Variants in DNAH9 observed in about 807,000 individuals in gnomAD.
DNAH9 encodes the protein DNAH9 variant protein.
DNAH9 carries 345 observed loss-of-function variants against 471.6 expected under a neutral mutation model. That is an observed-to-expected ratio of 0.73 (90% CI 0.67 to 0.80). The LOEUF is 0.80. DNAH9 is among the 30% of genes least tolerant of loss of function. The pLI is 0.00. For synonymous variants in DNAH9, 2,093 were observed against 2,123.6 expected (o/e 0.99, Z 0.40); for missense variants, 5,407 against 5,609.2 (o/e 0.96, Z 1.15).
intron 19 of DNAH9, among the ~76,000 whole-genome samples, chr17:11,686,194 A>G (rs1286154535): frequency 6.6e-6 from 1 of 152,072 alleles, no homozygotes; most frequent in Non-Finnish European, 1.5e-5. Context: ...ACCAACAGGC[A>G]ATTTCCCAGG....
chr17:11,775,055 A>C (rs1968367887), intron 38 of DNAH9, among the ~76,000 whole-genome samples: 1 of 152,122 alleles, frequency 6.6e-6, no homozygotes, highest in Admixed American at 6.5e-5. Flanking sequence ...TCAGACAACA[A>C]CTGATCTGCT....
chr17:11,683,219 C>G (rs9905606), intron 19 of DNAH9, among the ~76,000 whole-genome samples: 31,149 of 152,072 alleles, frequency 0.2, 3,628 homozygotes, highest in African/African-American at 0.32. Flanking sequence ...TGTCACCCAG[C>G]CTGGAGTGCA....
At chr17:11,653,519 G>A (rs946030503) in intron 14 of DNAH9, among the ~76,000 whole-genome samples, 3 of 152,148 alleles carry the variant, frequency 2.0e-5, no homozygotes, top group Admixed American at 6.5e-5. Context: ...GAAACTTTAC[G>A]TCCCATCATC....
intron 61 of DNAH9, among the ~76,000 whole-genome samples, chr17:11,912,873 T>A (rs911469419): frequency 1.4e-4 from 22 of 152,258 alleles, no homozygotes; most frequent in Admixed American, 5.2e-4. Flanking sequence ...TATTTTTTTT[T>A]AAAGATTTTG....
chr17:11,959,469 G>A (rs780886395), intron 67 of DNAH9, among the ~76,000 whole-genome samples: 1 of 152,186 alleles, frequency 6.6e-6, no homozygotes, highest in Admixed American at 6.5e-5. Flanking sequence ...CTACAGATAT[G>A]AGGAAGACCG....
At chr17:11,692,056 C>G (rs2074342198) in intron 20 of DNAH9, among the ~76,000 whole-genome samples, 1 of 15,250 alleles carries the variant, frequency 6.6e-5, no homozygotes, top group African/African-American at 1.5e-4. Flanking sequence ...CCCGCCTCAG[C>G]CTCCCAAAGT....
At chr17:11,645,701 C>T (rs1191361698) in intron 11 of DNAH9, among the ~76,000 whole-genome samples, 1 of 151,984 alleles carries the variant, frequency 6.6e-6, no homozygotes, top group Non-Finnish European at 1.5e-5. Context: ...CCTTTGGCTA[C>T]ACCAGGAATG....
intron 66 of DNAH9, among the ~76,000 whole-genome samples, chr17:11,939,237 A>C (rs944190223): frequency 3.3e-5 from 5 of 152,190 alleles, no homozygotes; most frequent in African/African-American, 1.2e-4. Context: ...GTATAATTTG[A>C]AAATAAAGAG....
chr17:11,707,773 C>G (rs1221252941), intron 26 of DNAH9, among the ~76,000 whole-genome samples: 6 of 152,088 alleles, frequency 3.9e-5, no homozygotes, highest in Non-Finnish European at 8.8e-5. Context: ...AACTACATGG[C>G]CTCCTTTCTG....
In DNAH9 at chr17:11,905,796, T is replaced by A. The variant is rs1973576946; in HGVS notation, c.11736T>A (p.Asp3912Glu). 1 of 1,608,308 alleles carries A rather than the reference T, an allele frequency of 6.2e-7. No homozygotes were observed. The highest frequency in any genetic ancestry group is 8.5e-7 in the Non-Finnish European group (1 of 1,176,886). ...ILSPGVDPLKDVESQGRKLGY... is the reference protein window; with the variant it reads ...ILSPGVDPLKEVESQGRKLGY... ...CTCCAGGGGTGGACCCACTGAAGGA[T>A]GTAGAAAGTCAAGGTGAGAAAGGCG... The change falls in exon 61 of 69, where the codon GAT becomes GAA. Residue 3912 changes from aspartate to glutamate, a missense_variant. Transcript: ENST00000262442.
chr17:11,708,268 G>A (rs1383494575), intron 26 of DNAH9, among the ~76,000 whole-genome samples: 2 of 152,104 alleles, frequency 1.3e-5, no homozygotes, highest in Non-Finnish European at 2.9e-5. Flanking sequence ...AAATATTGAG[G>A]ACCCAGATCA....
intron 9 of DNAH9, among the ~76,000 whole-genome samples, chr17:11,639,327 C>T (rs1227159109): frequency 2.0e-5 from 3 of 152,220 alleles, no homozygotes; most frequent in African/African-American, 7.2e-5. Context: ...AGCCACTTCT[C>T]TAGTTGCTAG....
intron 4 of DNAH9, among the ~76,000 whole-genome samples, chr17:11,613,866 TTTG>T (rs1250283627): frequency 6.6e-6 from 1 of 152,118 alleles, no homozygotes; most frequent in Non-Finnish European, 1.5e-5. Flanking sequence ...ATATTATGAG[TTTG>T]TTATTTAGTG....
At chr17:11,734,650 G>A (rs1283614653) in intron 28 of DNAH9, among the ~76,000 whole-genome samples, 4 of 152,204 alleles carry the variant, frequency 2.6e-5, no homozygotes, top group African/African-American at 9.6e-5. Context: ...GAGGGAGAGA[G>A]GGGAACCTCT....
In DNAH9 at chr17:11,652,784, A is replaced by C. The variant is rs2073541917; in HGVS notation, c.2377A>C (p.Ile793Leu). The C allele has an allele frequency of 6.2e-7, 1 of 1,613,506 alleles. No homozygotes were observed. Among genetic ancestry groups the C allele is most frequent in the African/African-American group, 1.3e-5 (1 of 74,844 alleles). Residue 793 changes from isoleucine (I) to leucine (L), a missense_variant, in exon 14 of 69, where the codon ATC becomes CTC. Physicochemically the swap from Ile to Leu is conservative, Grantham distance 5. Transcript: ENST00000262442. ...AGGCATTTGCGATTATGTCACTGAA[A>C]TCACCAGTAGTATTCATGATCTTGA... ...TEGICDYVTE[I>L]TSSIHDLEQR... is the part of the protein sequence containing the mutation.
At position 11,924,240 on chromosome 17, in the gene DNAH9, C is replaced by T. The variant is rs1476211090; in HGVS notation, c.11877+299C>T. Among the ~76,000 whole-genome samples the T allele has an allele frequency of 3.3e-5, 5 of 152,186 alleles. No individual in the cohort carries two copies. The East Asian group carries it at 9.6e-4, about 29-fold the overall frequency. On this transcript the variant is annotated intron_variant, in intron 62 of 68. Transcript: ENST00000262442. ...TAGGCGTTCAGGAAGTTAGCATTTA[C>T]GTTGAAGGCCCTGGCAGCTGGATGC...
intron 32 of DNAH9, 146 bp downstream of exon 32, chr17:11,747,912 G>A: frequency 1.4e-6 from 1 of 714,166 alleles, no homozygotes; most frequent in South Asian, 1.9e-5. Flanking sequence ...CCAGTAGAAA[G>A]GGAGAAACCA....
intron 35 of DNAH9, among the ~76,000 whole-genome samples, chr17:11,758,825 A>C (rs1967518910): frequency 6.6e-6 from 1 of 152,186 alleles, no homozygotes; most frequent in Admixed American, 6.5e-5. Context: ...ATGAAACATT[A>C]CTTTTGATTT....
intron 35 of DNAH9, among the ~76,000 whole-genome samples, chr17:11,759,126 A>G (rs1450685963): frequency 7.7e-6 from 1 of 130,484 alleles, no homozygotes; most frequent in Non-Finnish European, 1.7e-5. Context: ...AATGTTTTTT[A>G]AAGTTTTATT....
Sources: gnomAD v4.1 joint callset for allele counts (sites outside exome capture counted in the v4.1 genomes callset) on GRCh38, gnomAD v4.1.1 for gene constraint, MANE v1.5 for transcripts, NCBI Gene and HGNC (gene_info 2026-07-23, HGNC 2026-07-21) for gene names.